SHOC1: variants seen among roughly 807,000 people sequenced by gnomAD.
SHOC1 encodes the protein protein shortage in chiasmata 1 ortholog.
SHOC1 carries 136 observed loss-of-function variants against 179.2 expected under a neutral mutation model. The ratio of observed to expected loss-of-function variants is 0.76; its 90% confidence interval spans 0.66 to 0.87. The LOEUF is 0.87. SHOC1 is among the 40% of genes least tolerant of loss of function. The pLI is 0.00. For missense variants in SHOC1, 1,538 were observed against 1,700.8 expected (o/e 0.90, Z 1.68); for synonymous variants, 489 against 586.6 (o/e 0.83, Z 2.41).
At chr9:111,689,897 C>T (rs1831351176) in intron 27 of SHOC1, among the ~76,000 whole-genome samples, 1 of 152,082 alleles carries the variant, frequency 6.6e-6, no homozygotes, top group South Asian at 2.1e-4. Context: ...TGGGTCTTCT[C>T]ATTGGAAAAT....
At chr9:111,767,249 A>G (rs1020261478) in intron 5 of SHOC1, among the ~76,000 whole-genome samples, 3 of 91,658 alleles carry the variant, frequency 3.3e-5, no homozygotes, top group Admixed American at 1.4e-4. Context: ...GAGATCCTAT[A>G]CAAAAAATCT....
intron 12 of SHOC1, among the ~76,000 whole-genome samples, chr9:111,729,968 C>T (rs1457673924): frequency 6.6e-6 from 1 of 151,992 alleles, no homozygotes; most frequent in African/African-American, 2.4e-5. Flanking sequence ...TATTCCAAAT[C>T]CTTTGTTGTC....
intron 11 of SHOC1, among the ~76,000 whole-genome samples, chr9:111,739,064 T>A (rs945339208): frequency 3.9e-5 from 6 of 152,090 alleles, no homozygotes; most frequent in African/African-American, 1.4e-4. Context: ...ATCTGCATTA[T>A]AAACATCAAC....
chr9:111,721,299 C>T (rs1276197584), intron 15 of SHOC1, among the ~76,000 whole-genome samples: 1 of 152,110 alleles, frequency 6.6e-6, no homozygotes, highest in Non-Finnish European at 1.5e-5. Flanking sequence ...GTTTGTTTCT[C>T]CAACTCCAGG....
intron 18 of SHOC1, among the ~76,000 whole-genome samples, chr9:111,711,888 A>G (rs1832570919): frequency 6.6e-6 from 1 of 152,208 alleles, no homozygotes; most frequent in Non-Finnish European, 1.5e-5. Flanking sequence ...GGAATAGAGA[A>G]GTTAAATGAA....
intron 9 of SHOC1, among the ~76,000 whole-genome samples, chr9:111,746,783 G>T (rs1017411475): frequency 6.6e-6 from 1 of 152,104 alleles, no homozygotes; most frequent in Non-Finnish European, 1.5e-5. Context: ...TTTGAGTTGA[G>T]ATATAAAATG....
intron 8 of SHOC1, among the ~76,000 whole-genome samples, chr9:111,750,707 A>G (rs1404601312): frequency 6.6e-6 from 1 of 152,050 alleles, no homozygotes; most frequent in Non-Finnish European, 1.5e-5. Context: ...TTTTTCTTGT[A>G]CATTTGTTTA....
chr9:111,704,617 A>T (rs1388579448), intron 21 of SHOC1, among the ~76,000 whole-genome samples: 4 of 152,212 alleles, frequency 2.6e-5, no homozygotes, highest in Non-Finnish European at 4.4e-5. Context: ...AAAAGCATGG[A>T]ACATACATCT....
chr9:111,785,479 C>T (rs1020891562), intron 3 of SHOC1, among the ~76,000 whole-genome samples: 9 of 152,032 alleles, frequency 5.9e-5, no homozygotes, highest in Non-Finnish European at 1.0e-4. Flanking sequence ...TGCTGTTAAC[C>T]GACTTGACTC....
chr9:111,782,413 G>A (rs1836100098), intron 3 of SHOC1, among the ~76,000 whole-genome samples: 1 of 152,064 alleles, frequency 6.6e-6, no homozygotes. Flanking sequence ...TAAATGTAAT[G>A]TGGCATGCAA....
chr9:111,775,646 C>A, intron 5 of SHOC1, 145 bp downstream of exon 5: 1 of 572,252 alleles, frequency 1.7e-6, no homozygotes, highest in Non-Finnish European at 2.9e-6. Context: ...TGAGGAAATA[C>A]TGCCCTAATG....
chr9:111,744,537 C>A (rs935291481), intron 10 of SHOC1, among the ~76,000 whole-genome samples: 1 of 152,208 alleles, frequency 6.6e-6, no homozygotes, highest in African/African-American at 2.4e-5. Context: ...ACAGCCTTGA[C>A]TCCAGCTGGT....
At chr9:111,731,492 G>A (rs1833567445) in intron 12 of SHOC1, among the ~76,000 whole-genome samples, 1 of 152,134 alleles carries the variant, frequency 6.6e-6, no homozygotes, top group Non-Finnish European at 1.5e-5. Flanking sequence ...CCAAGGAAAG[G>A]GAGAGAGATA....
At chr9:111,789,014 A>G (rs1224074830) in intron 2 of SHOC1, among the ~76,000 whole-genome samples, 1 of 152,178 alleles carries the variant, frequency 6.6e-6, no homozygotes, top group African/African-American at 2.4e-5. Flanking sequence ...CTCTATCAAG[A>G]TCCAACTCAT....
intron 5 of SHOC1, among the ~76,000 whole-genome samples, chr9:111,772,795 G>A (rs1564162906): frequency 6.6e-6 from 1 of 152,180 alleles, no homozygotes. Context: ...GAGTTACCGA[G>A]CAGAGTTTCC....
intron 13 of SHOC1, among the ~76,000 whole-genome samples, chr9:111,724,367 T>A (rs901910363): frequency 4.6e-5 from 7 of 151,718 alleles, no homozygotes; most frequent in African/African-American, 1.7e-4. Flanking sequence ...TAAGACAGTG[T>A]CTCCCTCTGT....
chr9:111,724,006 G>T, intron 13 of SHOC1, 95 bp from the exon 14 acceptor site: 1 of 927,422 alleles, frequency 1.1e-6, no homozygotes, highest in Non-Finnish European at 1.6e-6. Context: ...GATCACAGTT[G>T]TTAAATTTCT....
intron 26 of SHOC1, among the ~76,000 whole-genome samples, 166 bp downstream of exon 26, chr9:111,693,620 AATTGATAGCTAAT>A (rs1831550384): frequency 6.6e-6 from 1 of 152,090 alleles, no homozygotes; most frequent in African/African-American, 2.4e-5. Flanking sequence ...TAAAATGTAT[AATTGATAGCTAAT>A]GAAACGTCTA....
Position 111,692,468 on chromosome 9 carries a change from G to T in SHOC1, c.3509C>A (p.Ser1170Tyr). The T allele has an allele frequency of 1.2e-6, 2 of 1,600,940 alleles. No individual in the cohort carries two copies. The highest frequency in any genetic ancestry group is 8.5e-7 in the Non-Finnish European group (1 of 1,172,510). ...ITSLFKIGSS[S>Y]ITKSPQISSP... ...CGAAATTTGCGGTGATTTTGTTATG[G>T]AAGAAGAACCAATCTTGAATAGGGA... The change falls in exon 27 of 28, where the codon TCC becomes TAC. Residue 1170 changes from serine to tyrosine, a missense_variant. By Grantham distance (144) the Ser-to-Tyr change is moderately radical (BLOSUM62 -2). Transcript: ENST00000682961.
Sources: gnomAD v4.1 joint callset for allele counts (sites outside exome capture counted in the v4.1 genomes callset) on GRCh38, gnomAD v4.1.1 for gene constraint, MANE v1.5 for transcripts, NCBI Gene and HGNC (gene_info 2026-07-23, HGNC 2026-07-21) for gene names.